Variants in RALGAPA2 observed in about 807,000 individuals in gnomAD.
RALGAPA2 encodes Ral GTPase activating protein catalytic subunit alpha 2, also known as ral GTPase-activating protein subunit alpha-2.
Under a neutral mutation model 230.4 loss-of-function variants are expected in RALGAPA2, and 139 were observed. The observed-to-expected ratio is 0.60, with a 90% confidence interval of 0.53 to 0.69. The LOEUF is 0.69. Ranked by LOEUF, RALGAPA2 falls within the 30% of genes least tolerant of loss-of-function variation. The pLI is 0.00. For synonymous variants in RALGAPA2, 847 were observed against 837.8 expected (o/e 1.01, Z -0.19); for missense variants, 2,163 against 2,276.0 (o/e 0.95, Z 1.01).
chr20:20,394,906 A>AG (rs2059678540), intron 39 of RALGAPA2, among the ~76,000 whole-genome samples: 1 of 151,248 alleles, frequency 6.6e-6, no homozygotes, highest in Non-Finnish European at 1.5e-5. Context: ...AAAAAAAAAA[A>AG]AAAAGGCAAG....
chr20:20,656,708 C>A (rs370608472), intron 3 of RALGAPA2, among the ~76,000 whole-genome samples: 1 of 152,184 alleles, frequency 6.6e-6, no homozygotes. Context: ...TAAGAACCCA[C>A]GTGAGCATTG....
intron 36 of RALGAPA2, among the ~76,000 whole-genome samples, chr20:20,473,594 A>G (rs1164111663): frequency 6.6e-6 from 1 of 151,978 alleles, no homozygotes; most frequent in Non-Finnish European, 1.5e-5. Flanking sequence ...GCATCCTCCC[A>G]CCTCAGTCTC....
intron 15 of RALGAPA2, among the ~76,000 whole-genome samples, chr20:20,603,188 T>C (rs529065016): frequency 2.6e-5 from 4 of 152,304 alleles, no homozygotes; most frequent in Non-Finnish European, 5.9e-5. Flanking sequence ...GAAAAACGGA[T>C]CTGTTAAAAA....
intron 36 of RALGAPA2, among the ~76,000 whole-genome samples, chr20:20,477,779 G>A (rs945409125): frequency 6.6e-6 from 1 of 152,066 alleles, no homozygotes; most frequent in Non-Finnish European, 1.5e-5. Context: ...GTAGAGACGG[G>A]GTTTCACCAT....
At chr20:20,436,870 G>A (rs1324446437) in intron 37 of RALGAPA2, among the ~76,000 whole-genome samples, 1 of 152,206 alleles carries the variant, frequency 6.6e-6, no homozygotes, top group African/African-American at 2.4e-5. Flanking sequence ...TGCCATGCCT[G>A]ATCTAATCCC....
intron 10 of RALGAPA2, among the ~76,000 whole-genome samples, chr20:20,625,619 T>C (rs552878879): frequency 2.0e-5 from 3 of 152,248 alleles, no homozygotes; most frequent in South Asian, 2.1e-4. Flanking sequence ...CACAAAGAAA[T>C]AGTAATCCTT....
chr20:20,429,518 C>T (rs1304307583), intron 37 of RALGAPA2, among the ~76,000 whole-genome samples: 2 of 152,180 alleles, frequency 1.3e-5, no homozygotes, highest in African/African-American at 4.8e-5. Flanking sequence ...GAGGAATAAA[C>T]TACATTAATT....
chr20:20,571,354 A>G (rs1602864760), intron 23 of RALGAPA2, 104 bp downstream of exon 23: 1 of 1,264,038 alleles, frequency 7.9e-7, no homozygotes, highest in African/African-American at 1.5e-5. Context: ...CTACTGAGAA[A>G]TTCAACACTT....
intron 37 of RALGAPA2, among the ~76,000 whole-genome samples, chr20:20,442,571 T>G (rs1364865871): frequency 2.0e-5 from 3 of 152,256 alleles, no homozygotes; most frequent in Non-Finnish European, 4.4e-5. Context: ...ATATAAATGT[T>G]TTAGTTTTGC....
At chr20:20,687,317 G>A (rs1207187401) in intron 1 of RALGAPA2, among the ~76,000 whole-genome samples, 1 of 152,114 alleles carries the variant, frequency 6.6e-6, no homozygotes, top group East Asian at 1.9e-4. Flanking sequence ...TTACTTATAG[G>A]CTAATATGAT....
At chr20:20,442,931 T>A (rs1442213866) in intron 37 of RALGAPA2, among the ~76,000 whole-genome samples, 1 of 152,216 alleles carries the variant, frequency 6.6e-6, no homozygotes, top group Non-Finnish European at 1.5e-5. Context: ...TACAAGGACA[T>A]CTTTTTCTTT....
In RALGAPA2 at chr20:20,660,598, A is replaced by G. The variant is rs548779523; in HGVS notation, c.271-7011T>C. 1.8e-4 allele frequency among the ~76,000 whole-genome samples: 28 copies of G among 152,274 alleles called. No individual in the cohort carries two copies. In the South Asian group the frequency reaches 5.8e-3, roughly 32 times the overall value. On this transcript the variant is annotated intron_variant, in intron 3 of 39. Coordinates refer to ENST00000202677, the MANE Select transcript of RALGAPA2 (RefSeq NM_020343.4). ...AGTGCCATGGAGAATACAAAAGCTT[A>G]TAGTACCTGGCATCTAACCTCATGA...
chr20:20,663,138 T>C (rs956072785), intron 3 of RALGAPA2, among the ~76,000 whole-genome samples: 11 of 151,962 alleles, frequency 7.2e-5, no homozygotes, highest in African/African-American at 2.4e-4. Context: ...GGGTAGAAGA[T>C]TACAAACCAA....
chr20:20,395,701 C>T (rs2059699653), intron 39 of RALGAPA2, among the ~76,000 whole-genome samples: 1 of 152,166 alleles, frequency 6.6e-6, no homozygotes. Context: ...GAAAGGGCAG[C>T]TGGCTGGAGG....
chr20:20,401,968 C>T (rs1015180251), intron 38 of RALGAPA2, among the ~76,000 whole-genome samples: 2 of 152,220 alleles, frequency 1.3e-5, no homozygotes, highest in African/African-American at 2.4e-5. Flanking sequence ...TCCTTTCTGC[C>T]TTCAGGGAGG....
intron 37 of RALGAPA2, among the ~76,000 whole-genome samples, chr20:20,452,118 C>T (rs2061000642): frequency 6.6e-6 from 1 of 152,086 alleles, no homozygotes; most frequent in South Asian, 2.1e-4. Flanking sequence ...TTGACTCTTC[C>T]AATGTAAAAA....
At chr20:20,505,571 A>C in intron 33 of RALGAPA2, 37 bp from the exon 34 acceptor site, 1 of 1,489,484 alleles carries the variant, frequency 6.7e-7, no homozygotes, top group Non-Finnish European at 9.0e-7. Flanking sequence ...TAGAATTCTT[A>C]TATGTAAAAT....
At position 20,546,636 on chromosome 20, in the gene RALGAPA2, A is replaced by C. The variant is rs1602733448; in HGVS notation, c.3285+68T>G. 5.4e-6 allele frequency: 8 copies of C among 1,494,204 alleles called. No individual in the cohort carries two copies. In the East Asian group the frequency reaches 1.9e-4, roughly 36 times the overall value. 92.6% of individuals were successfully genotyped at this position (1,494,204 alleles called of 1,614,324 possible). ...GAGTCAACACCTGTTAAGAGTGGAG[A>C]AATCTGAACCTTGTTAGCGATTGTG... On this transcript the variant is annotated intron_variant, in intron 24 of 39. Coordinates refer to ENST00000202677, the MANE Select transcript of RALGAPA2 (RefSeq NM_020343.4).
intron 37 of RALGAPA2, among the ~76,000 whole-genome samples, chr20:20,465,247 G>A (rs1176854009): frequency 6.7e-6 from 1 of 148,668 alleles, no homozygotes; most frequent in East Asian, 2.0e-4. Flanking sequence ...GCCCCCACTG[G>A]GAAAGCCAGC....
Sources: allele counts gnomAD v4.1 joint callset (sites outside exome capture counted in the v4.1 genomes callset), GRCh38; gene constraint gnomAD v4.1.1; transcripts MANE v1.5; gene names NCBI Gene and HGNC (gene_info 2026-07-23, HGNC 2026-07-21).